The following BBX variants were observed in gnomAD, a reference collection of about 807,000 sequenced individuals.
The protein encoded by BBX is BBX high mobility group box domain containing, also known as HMG box transcription factor BBX.
In BBX, 30 loss-of-function variants were observed where a neutral mutation model predicts 100.2. The ratio of observed to expected loss-of-function variants is 0.30; its 90% CI spans 0.22 to 0.41. The LOEUF (loss-of-function observed/expected upper bound fraction) is 0.41, where lower values mean the gene tolerates loss of function less well. Ranked by LOEUF, BBX falls within the 10% of genes least tolerant of loss-of-function variation. BBX has a pLI of 1.00. For synonymous variants in BBX, 376 were observed against 388.1 expected (o/e 0.97, Z 0.37); for missense variants, 1,023 against 1,129.8 (o/e 0.91, Z 1.35).
At position 107,679,781 on chromosome 3, in the gene BBX, A is replaced by G. The variant is rs374341171; in HGVS notation, c.-9-30671A>G. Among the ~76,000 whole-genome samples the G allele has an allele frequency of 2.0e-5, 3 of 152,156 alleles. No homozygotes were observed. The East Asian group carries it at 5.8e-4, about 29-fold the overall frequency. On this transcript the variant is annotated intron_variant, in intron 3 of 17. Coordinates refer to ENST00000325805, the MANE Select transcript of BBX (RefSeq NM_001142568.3). Reference sequence around the variant, plus strand: ...GGGGCTTTATAAAAAAGCCCCTCTCATCTTGATGTCGTAGTACCTAAAATT... The same window carrying G: ...GGGGCTTTATAAAAAAGCCCCTCTCGTCTTGATGTCGTAGTACCTAAAATT...
At chr3:107,660,852 A>G (rs543414453) in intron 3 of BBX, among the ~76,000 whole-genome samples, 8 of 152,166 alleles carry the variant, frequency 5.3e-5, no homozygotes, top group Non-Finnish European at 1.2e-4. Flanking sequence ...TTTCTACCCT[A>G]TGAAGTACCC....
chr3:107,532,785 G>GC (rs2048252151), intron 2 of BBX, among the ~76,000 whole-genome samples: 1 of 152,054 alleles, frequency 6.6e-6, no homozygotes, highest in Non-Finnish European at 1.5e-5. Context: ...AGTGACTTTG[G>GC]CATTTCCTAA....
In BBX at chr3:107,810,636, C is replaced by T. The variant is rs2071247972; in HGVS notation, c.*5179C>T. 6.6e-6 allele frequency: 1 copy of T among 152,340 alleles called. No homozygotes were observed. The highest frequency in any genetic ancestry group is 1.9e-4 in the East Asian group (1 of 5,174). 9.4% of individuals were successfully genotyped at this position (152,340 alleles called of 1,614,324 possible). On this transcript the variant is annotated 3_prime_UTR_variant, in exon 18 of 18. Transcript: ENST00000325805. ...GACTCCTCACATGAGTGCCTCAGCTCTAAGAGCCGTGGAACGGGGGGTAGG... is the reference window on the plus strand; with the variant it reads ...GACTCCTCACATGAGTGCCTCAGCTTTAAGAGCCGTGGAACGGGGGGTAGG...
intron 2 of BBX, among the ~76,000 whole-genome samples, chr3:107,573,404 A>G (rs1162065306): frequency 6.6e-6 from 1 of 152,098 alleles, no homozygotes; most frequent in Non-Finnish European, 1.5e-5. Context: ...CTAAAAATAC[A>G]AAAATTAGCC....
At chr3:107,761,058 A>C (rs1005881888) in intron 10 of BBX, among the ~76,000 whole-genome samples, 3 of 152,182 alleles carry the variant, frequency 2.0e-5, no homozygotes, top group Admixed American at 2.0e-4. Context: ...TGAGGCCAAC[A>C]GTCATTGCCA....
At chr3:107,788,166 C>T (rs1439602336) in intron 13 of BBX, among the ~76,000 whole-genome samples, 1 of 152,014 alleles carries the variant, frequency 6.6e-6, no homozygotes, top group Non-Finnish European at 1.5e-5. Flanking sequence ...TAGAGGTAAT[C>T]ACCAGATGAG....
At chr3:107,579,036 A>G (rs774413258) in intron 2 of BBX, among the ~76,000 whole-genome samples, 1 of 152,096 alleles carries the variant, frequency 6.6e-6, no homozygotes, top group African/African-American at 2.4e-5. Flanking sequence ...CTCTTGTTCT[A>G]TATTCCAGCT....
intron 3 of BBX, among the ~76,000 whole-genome samples, chr3:107,646,867 A>T (rs1274477794): frequency 6.6e-6 from 1 of 152,138 alleles, no homozygotes; most frequent in African/African-American, 2.4e-5. Context: ...TGGTAACTAT[A>T]TCACTGAATA....
At chr3:107,775,661 C>T (rs1029897293) in intron 12 of BBX, among the ~76,000 whole-genome samples, 1 of 152,078 alleles carries the variant, frequency 6.6e-6, no homozygotes, top group African/African-American at 2.4e-5. Flanking sequence ...GTGTTTAAAG[C>T]TATGCAAATT....
chr3:107,590,582 TC>T (rs1422926946), intron 2 of BBX, among the ~76,000 whole-genome samples: 2 of 152,210 alleles, frequency 1.3e-5, no homozygotes, highest in African/African-American at 4.8e-5. Flanking sequence ...CTTGTTTAGC[TC>T]CCATGTATGA....
intron 7 of BBX, among the ~76,000 whole-genome samples, chr3:107,743,924 T>G (rs947056543): frequency 3.4e-5 from 5 of 144,964 alleles, no homozygotes; most frequent in Non-Finnish European, 6.0e-5. Flanking sequence ...AGTGGTTTTT[T>G]TTTTTTTTTT....
chr3:107,710,796 A>G (rs779962117), intron 4 of BBX, among the ~76,000 whole-genome samples, 174 bp downstream of exon 4: 1 of 152,180 alleles, frequency 6.6e-6, no homozygotes, highest in Admixed American at 6.5e-5. Context: ...CTCTTAAAGT[A>G]TTTGTACTTC....
intron 7 of BBX, among the ~76,000 whole-genome samples, chr3:107,738,589 G>A (rs1307155233): frequency 6.6e-6 from 1 of 152,178 alleles, no homozygotes; most frequent in African/African-American, 2.4e-5. Context: ...CGATGGTGAG[G>A]CTACAAAGTG....
intron 3 of BBX, among the ~76,000 whole-genome samples, chr3:107,657,573 G>A (rs961962037): frequency 6.6e-6 from 1 of 152,094 alleles, no homozygotes; most frequent in East Asian, 1.9e-4. Context: ...AGGCAATGGA[G>A]GGTATTTAAA....
At chr3:107,699,342 A>G (rs1027247979) in intron 3 of BBX, among the ~76,000 whole-genome samples, 10 of 151,900 alleles carry the variant, frequency 6.6e-5, no homozygotes, top group South Asian at 2.1e-4. Flanking sequence ...ATGTGGCTCA[A>G]TATGGGTAGA....
chr3:107,774,347 A>G (rs1451769960), intron 11 of BBX, among the ~76,000 whole-genome samples: 1 of 152,118 alleles, frequency 6.6e-6, no homozygotes, highest in Non-Finnish European at 1.5e-5. Flanking sequence ...ACTTGGGCCT[A>G]TTTCATCCCC....
intron 3 of BBX, among the ~76,000 whole-genome samples, chr3:107,696,555 G>C (rs1462319128): frequency 1.3e-5 from 2 of 151,860 alleles, no homozygotes; most frequent in Admixed American, 1.3e-4. Context: ...TAGAGTTTCT[G>C]CCAAGAGATC....
chr3:107,671,010 G>A (rs190110495), intron 3 of BBX, among the ~76,000 whole-genome samples: 8 of 152,042 alleles, frequency 5.3e-5, no homozygotes, highest in Middle Eastern at 3.4e-3. Flanking sequence ...TGAGATTTAC[G>A]TAGATCAGAT....
intron 17 of BBX, 38 bp from the exon 18 acceptor site, chr3:107,805,332 T>A: frequency 6.3e-7 from 1 of 1,586,510 alleles, no homozygotes. Flanking sequence ...TAATAACATA[T>A]GCTGAATAAG....
Sources: allele counts gnomAD v4.1 joint callset (sites outside exome capture counted in the v4.1 genomes callset), GRCh38; gene constraint gnomAD v4.1.1; transcripts MANE v1.5; gene names NCBI Gene and HGNC (gene_info 2026-07-23, HGNC 2026-07-21).